NCAM2: variants seen among roughly 807,000 people sequenced by gnomAD.
The protein encoded by NCAM2 is N-CAM-2.
Under a neutral mutation model 98.1 loss-of-function variants are expected in NCAM2, and 30 were observed. The ratio of observed to expected loss-of-function variants is 0.31; its 90% CI spans 0.23 to 0.41. The LOEUF (loss-of-function observed/expected upper bound fraction) is 0.41, where lower values mean the gene tolerates loss of function less well. Ranked by LOEUF, NCAM2 falls within the 10% of genes least tolerant of loss-of-function variation. NCAM2 has a pLI of 1.00. For synonymous variants in NCAM2, 368 were observed against 342.4 expected (o/e 1.07, Z -0.83); for missense variants, 867 against 1,005.8 (o/e 0.86, Z 1.87).
intron 1 of NCAM2, among the ~76,000 whole-genome samples, chr21:21,013,431 G>T (rs1165544199): frequency 6.6e-6 from 1 of 152,204 alleles, no homozygotes; most frequent in Admixed American, 6.5e-5. Context: ...CTGAATTGGA[G>T]AGGTGAGGCG....
chr21:21,372,177 C>G (rs1019939906), intron 8 of NCAM2, among the ~76,000 whole-genome samples: 2 of 151,510 alleles, frequency 1.3e-5, no homozygotes, highest in East Asian at 1.9e-4. Context: ...CTTTTAGTTG[C>G]AAATAAACTC....
chr21:21,362,881 A>T (rs753133435), intron 8 of NCAM2, among the ~76,000 whole-genome samples: 1 of 152,158 alleles, frequency 6.6e-6, no homozygotes, highest in Non-Finnish European at 1.5e-5. Context: ...AGTTCAGTCC[A>T]CTGTCATTCA....
chr21:21,496,765 A>G (rs184996290), intron 15 of NCAM2, among the ~76,000 whole-genome samples: 2 of 152,184 alleles, frequency 1.3e-5, no homozygotes, highest in Non-Finnish European at 2.9e-5. Context: ...TTAAGTTTTT[A>G]ATCCATCCCG....
At chr21:21,449,338 G>A (rs188538199) in intron 12 of NCAM2, among the ~76,000 whole-genome samples, 3 of 151,338 alleles carry the variant, frequency 2.0e-5, no homozygotes, top group Non-Finnish European at 2.9e-5. Context: ...ATCCACGGGA[G>A]GAGAATGAAA....
chr21:21,385,594 T>C, intron 9 of NCAM2: 2 of 1,276,670 alleles, frequency 1.6e-6, no homozygotes, highest in Non-Finnish European at 2.0e-6. Context: ...AAACCTCTTT[T>C]GTGTTTCAGC....
intron 9 of NCAM2, among the ~76,000 whole-genome samples, chr21:21,377,299 G>T (rs1393196780): frequency 6.6e-6 from 1 of 151,580 alleles, no homozygotes; most frequent in Non-Finnish European, 1.5e-5. Flanking sequence ...TCACCCTCAA[G>T]AATTTTCTCA....
intron 1 of NCAM2, among the ~76,000 whole-genome samples, chr21:21,031,011 A>G (rs1292548999): frequency 6.6e-6 from 1 of 152,132 alleles, no homozygotes; most frequent in African/African-American, 2.4e-5. Context: ...TAAATGTTTT[A>G]TTTTCTGCAG....
chr21:21,260,731 A>T (rs1469970682), intron 1 of NCAM2, among the ~76,000 whole-genome samples: 1 of 152,196 alleles, frequency 6.6e-6, no homozygotes, highest in East Asian at 1.9e-4. Context: ...AATAAAGGTC[A>T]GTACTTCCTT....
intron 5 of NCAM2, among the ~76,000 whole-genome samples, chr21:21,319,504 G>A (rs2074316081): frequency 6.6e-6 from 1 of 152,096 alleles, no homozygotes; most frequent in Non-Finnish European, 1.5e-5. Context: ...AGCTGGGCAT[G>A]ATGGCGCGTG....
At chr21:21,456,988 A>T (rs956694630) in intron 12 of NCAM2, among the ~76,000 whole-genome samples, 2 of 152,184 alleles carry the variant, frequency 1.3e-5, no homozygotes, top group Non-Finnish European at 2.9e-5. Context: ...ATATTCTCTT[A>T]TAATTGTCTA....
chr21:21,490,109 A>C (rs1986724115), intron 15 of NCAM2, among the ~76,000 whole-genome samples: 1 of 152,060 alleles, frequency 6.6e-6, no homozygotes, highest in African/African-American at 2.4e-5. Context: ...TCTTGTAATA[A>C]TTCAACATAT....
chr21:21,223,659 A>G (rs2070261649), intron 1 of NCAM2: 4 of 152,246 alleles, frequency 2.6e-5, no homozygotes, highest in Admixed American at 2.6e-4. Flanking sequence ...ATGCAATGTT[A>G]TGTGATATAT....
intron 1 of NCAM2, among the ~76,000 whole-genome samples, chr21:21,056,521 T>C (rs144556329): frequency 0.055 from 8,119 of 148,182 alleles, 255 homozygotes; most frequent in East Asian, 0.097. Flanking sequence ...TGTGTGTGTG[T>C]GTGCATGAGA....
At chr21:21,125,693 A>G (rs1037501884) in intron 1 of NCAM2, among the ~76,000 whole-genome samples, 3 of 93,510 alleles carry the variant, frequency 3.2e-5, no homozygotes, top group Non-Finnish European at 6.6e-5. Flanking sequence ...TATATGTAAT[A>G]ATATTTTACA....
At chr21:21,235,787 T>C (rs1341369823) in intron 1 of NCAM2, among the ~76,000 whole-genome samples, 2 of 151,982 alleles carry the variant, frequency 1.3e-5, no homozygotes, top group Non-Finnish European at 2.9e-5. Flanking sequence ...AGATCTCAGC[T>C]TATGGGTCAA....
chr21:21,311,215 A>G (rs191213350), intron 5 of NCAM2, among the ~76,000 whole-genome samples: 4 of 152,234 alleles, frequency 2.6e-5, no homozygotes, highest in African/African-American at 9.6e-5. Context: ...ATATATTAAC[A>G]TGGTATATAT....
At chr21:21,050,758 T>C (rs1328532681) in intron 1 of NCAM2, among the ~76,000 whole-genome samples, 2 of 152,180 alleles carry the variant, frequency 1.3e-5, no homozygotes, top group Non-Finnish European at 2.9e-5. Context: ...ATGAGCACCA[T>C]GCCTATACGC....
intron 1 of NCAM2, among the ~76,000 whole-genome samples, chr21:21,214,768 G>C (rs376262846): frequency 1.3e-5 from 1 of 76,524 alleles, no homozygotes; most frequent in Non-Finnish European, 2.9e-5. Flanking sequence ...ACACATATAT[G>C]TAATATATAT....
At position 21,304,527 on chromosome 21, in the gene NCAM2, A is replaced by C. The variant is rs912292110; in HGVS notation, c.619+12286A>C. Among the ~76,000 whole-genome samples, 10 of 152,214 alleles carry C rather than the reference A, an allele frequency of 6.6e-5. No individual in the cohort carries two copies. The South Asian group carries it at 2.1e-3, about 32-fold the overall frequency. On this transcript the variant is annotated intron_variant, in intron 5 of 17. Transcript: ENST00000400546. The stretch of plus-strand genomic sequence containing the variant: ...ATGATAAGTTAGAATAATGTATTAT[A>C]AGTCCTCCAACTTTGTTCATCTTTT...
Sources: gnomAD v4.1 joint callset for allele counts (sites outside exome capture counted in the v4.1 genomes callset) on GRCh38, gnomAD v4.1.1 for gene constraint, MANE v1.5 for transcripts, NCBI Gene and HGNC (gene_info 2026-07-23, HGNC 2026-07-21) for gene names.